PXDNL: variants seen among roughly 807,000 people sequenced by gnomAD.
PXDNL encodes probable oxidoreductase PXDNL.
Under a neutral mutation model 150.8 loss-of-function variants are expected in PXDNL, and 145 were observed. That is an observed-to-expected ratio of 0.96 (90% CI 0.84 to 1.10). The LOEUF (loss-of-function observed/expected upper bound fraction) is 1.10. Among genes scored for constraint, PXDNL ranks in the 50% least tolerant of loss-of-function variants. The pLI is 0.00. For missense variants in PXDNL, 2,087 were observed against 1,873.9 expected (o/e 1.11, Z -2.10); for synonymous variants, 757 against 725.7 (o/e 1.04, Z -0.69).
rs1049505082 is a variant in PXDNL, at chr8:51,773,632, C to T, written c.164+35549G>A. Among the ~76,000 whole-genome samples, 4 of 152,174 alleles carry T rather than the reference C, an allele frequency of 2.6e-5. No individual in the cohort carries two copies. In the South Asian group the frequency reaches 6.2e-4, roughly 24 times the overall value. ...AGGGCAACCCAGATTTATTTTTGTA[C>T]TGGGACTCCTCTTTAGAAGTCAAAT... On this transcript the variant is annotated intron_variant, in intron 1 of 22. Coordinates refer to ENST00000356297, the MANE Select transcript of PXDNL (RefSeq NM_144651.5).
At chr8:51,796,023 T>A (rs1424262956) in intron 1 of PXDNL, among the ~76,000 whole-genome samples, 1 of 152,212 alleles carries the variant, frequency 6.6e-6, no homozygotes, top group African/African-American at 2.4e-5. Context: ...TTTAAGCTAT[T>A]TACTTAAGGT....
rs1814849033 is a variant in PXDNL at position 51,644,163 on chromosome 8, A to G, written c.236+10526T>C. On this transcript the variant is annotated intron_variant, in intron 2 of 22. Transcript: ENST00000356297. ...TCCATCTCAAAAAAATAAATAAATAAATAAAGTTAAATAAGTAAAATAAAA... is the reference window on the plus strand; with the variant it reads ...TCCATCTCAAAAAAATAAATAAATAGATAAAGTTAAATAAGTAAAATAAAA... Among the ~76,000 whole-genome samples the G allele has an allele frequency of 2.0e-5, 3 of 150,644 alleles. No individual in the cohort carries two copies. The South Asian group carries it at 6.4e-4, about 32-fold the overall frequency.
intron 1 of PXDNL, among the ~76,000 whole-genome samples, chr8:51,803,216 CCTGA>C (rs2037639475): frequency 6.6e-6 from 1 of 152,170 alleles, no homozygotes; most frequent in Non-Finnish European, 1.5e-5. Flanking sequence ...AGGTCTGTGT[CCTGA>C]CTGTTGATCT....
chr8:51,643,740 G>A (rs561354539), intron 2 of PXDNL, among the ~76,000 whole-genome samples: 213 of 152,178 alleles, frequency 1.4e-3, no homozygotes, highest in African/African-American at 4.5e-3. Flanking sequence ...AGAAACTACC[G>A]TCAGAGTGAA....
chr8:51,666,512 TTAGA>T (rs1815389949), intron 1 of PXDNL, among the ~76,000 whole-genome samples: 1 of 152,190 alleles, frequency 6.6e-6, no homozygotes, highest in Admixed American at 6.5e-5. Flanking sequence ...TCCCTTTCTC[TTAGA>T]TATTGACTAT....
At chr8:51,664,220 A>G (rs1205223178) in intron 1 of PXDNL, among the ~76,000 whole-genome samples, 3 of 152,192 alleles carry the variant, frequency 2.0e-5, no homozygotes, top group Non-Finnish European at 4.4e-5. Context: ...AGGTCATCAT[A>G]TACCATGTTA....
rs111386348 is a variant in PXDNL, at chr8:51,553,458, A to T, written c.380+3382T>A. Among the ~76,000 whole-genome samples the T allele has an allele frequency of 2.6e-3, 391 of 152,340 alleles. 1 individual carries two copies. Among genetic ancestry groups the T allele is most frequent in the African/African-American group, 8.4e-3 (348 of 41,588 alleles). On this transcript the variant is annotated intron_variant, in intron 4 of 22. Coordinates refer to ENST00000356297, the MANE Select transcript of PXDNL (RefSeq NM_144651.5). ...ACCCCATAGCCCACTCATTCTGTGC[A>T]TCTGCAGAATTAATACCAAACTACG...
intron 3 of PXDNL, among the ~76,000 whole-genome samples, chr8:51,589,036 C>G (rs1428403820): frequency 6.6e-6 from 1 of 152,076 alleles, no homozygotes; most frequent in Non-Finnish European, 1.5e-5. Flanking sequence ...TGGGTTAATG[C>G]CATTATCACA....
chr8:51,523,918 A>C (rs1294694936), intron 4 of PXDNL, among the ~76,000 whole-genome samples: 1 of 152,224 alleles, frequency 6.6e-6, no homozygotes, highest in Non-Finnish European at 1.5e-5. Context: ...CTGGAAAAGG[A>C]AAATCTCCAT....
chr8:51,574,589 G>C (rs773043968), intron 3 of PXDNL, among the ~76,000 whole-genome samples: 1 of 151,764 alleles, frequency 6.6e-6, no homozygotes, highest in Non-Finnish European at 1.5e-5. Flanking sequence ...GCCCTAAACA[G>C]GGTAAACTCA....
At chr8:51,377,261 A>AT (rs11332117) in intron 17 of PXDNL, among the ~76,000 whole-genome samples, 1,925 of 150,074 alleles carry the variant, frequency 0.013, 32 homozygotes, top group African/African-American at 0.043. Context: ...CTTCTAGGGG[A>AT]TTTTTTTTTT....
intron 9 of PXDNL, among the ~76,000 whole-genome samples, chr8:51,457,265 A>T (rs573478791): frequency 6.6e-6 from 1 of 152,362 alleles, no homozygotes; most frequent in East Asian, 1.9e-4. Flanking sequence ...ATGGGGAATC[A>T]AAAGGAGAAT....
chr8:51,555,554 T>A (rs1812581999), intron 4 of PXDNL, among the ~76,000 whole-genome samples: 1 of 152,204 alleles, frequency 6.6e-6, no homozygotes, highest in Admixed American at 6.5e-5. Context: ...AAAAAGAAAT[T>A]TAGATTTCTT....
chr8:51,410,591 TAAAG>T (rs1808602644), intron 16 of PXDNL, among the ~76,000 whole-genome samples: 1 of 152,042 alleles, frequency 6.6e-6, no homozygotes, highest in Admixed American at 6.5e-5. Context: ...TAAAGGAGAA[TAAAG>T]AAAGGGTAAG....
At chr8:51,375,253 C>T (rs1165256190) in intron 17 of PXDNL, among the ~76,000 whole-genome samples, 1 of 152,054 alleles carries the variant, frequency 6.6e-6, no homozygotes, top group Non-Finnish European at 1.5e-5. Flanking sequence ...AAGTATTTGA[C>T]CTAAGATTTG....
At chr8:51,457,915 C>A (rs1454514038) in intron 8 of PXDNL, among the ~76,000 whole-genome samples, 2 of 152,118 alleles carry the variant, frequency 1.3e-5, no homozygotes, top group African/African-American at 4.8e-5. Flanking sequence ...AGATGTTCTG[C>A]CTTCCTGAGT....
intron 4 of PXDNL, among the ~76,000 whole-genome samples, chr8:51,552,800 G>A (rs929940468): frequency 3.9e-5 from 6 of 152,018 alleles, no homozygotes; most frequent in South Asian, 2.1e-4. Flanking sequence ...GTAACCAAAC[G>A]CCATGTGTTC....
intron 14 of PXDNL, among the ~76,000 whole-genome samples, chr8:51,421,416 T>G (rs1808948452): frequency 6.6e-6 from 1 of 152,200 alleles, no homozygotes; most frequent in East Asian, 1.9e-4. Context: ...TAAGAAACTT[T>G]AGGTCAGGCG....
chr8:51,496,376 G>A (rs1225281473), intron 5 of PXDNL, among the ~76,000 whole-genome samples: 3 of 152,184 alleles, frequency 2.0e-5, no homozygotes, highest in Non-Finnish European at 4.4e-5. Flanking sequence ...GCACAAGACA[G>A]GGATGCCCTC....
Sources: gnomAD v4.1 joint callset for allele counts (sites outside exome capture counted in the v4.1 genomes callset) on GRCh38, gnomAD v4.1.1 for gene constraint, MANE v1.5 for transcripts, NCBI Gene and HGNC (gene_info 2026-07-23, HGNC 2026-07-21) for gene names.